The following IGF2BP1 variants were observed in gnomAD, a reference collection of about 807,000 sequenced individuals.
The protein encoded by IGF2BP1 is insulin like growth factor 2 mRNA binding protein 1.
Under a neutral mutation model 74.9 loss-of-function variants are expected in IGF2BP1, and 11 were observed. The observed-to-expected ratio is 0.15, with a 90% CI of 0.09 to 0.24. The LOEUF (loss-of-function observed/expected upper bound fraction) is 0.24. Ranked by LOEUF, IGF2BP1 falls within the 10% of genes least tolerant of loss-of-function variation. The pLI, the probability that IGF2BP1 is intolerant of heterozygous loss-of-function variation, is 1.00. For missense variants in IGF2BP1, 440 were observed against 757.4 expected (o/e 0.58, Z 4.92); for synonymous variants, 287 against 281.8 (o/e 1.02, Z -0.18).
At chr17:49,046,139 T>C (rs745917632) in intron 13 of IGF2BP1, 118 bp downstream of exon 13, 2 of 1,463,948 alleles carry the variant, frequency 1.4e-6, no homozygotes, top group Non-Finnish European at 9.5e-7. Context: ...TACTTGATTC[T>C]ACTCCCCAAG....
intron 2 of IGF2BP1, among the ~76,000 whole-genome samples, chr17:49,000,364 A>T (rs2041473808): frequency 6.6e-6 from 1 of 152,218 alleles, no homozygotes; most frequent in Non-Finnish European, 1.5e-5. Flanking sequence ...TCAGTTGCTT[A>T]GCTTGATATT....
intron 5 of IGF2BP1, chr17:49,036,813 G>C (rs975364296): frequency 1.9e-5 from 3 of 154,150 alleles, no homozygotes; most frequent in African/African-American, 7.2e-5. Flanking sequence ...GCGGGGCATG[G>C]TGGCGCATGC....
chr17:49,040,022 C>G lies in IGF2BP1; in HGVS notation c.749C>G (p.Pro250Arg). 2 of 1,613,894 alleles carry G rather than the reference C, an allele frequency of 1.2e-6. No individual in the cohort carries two copies. The change falls in exon 7 of 15, where the codon CCT becomes CGT. Residue 250 changes from proline (P) to arginine (R), a missense_variant. Pro to Arg is a moderately radical substitution (Grantham distance 103). Coordinates refer to ENST00000290341, the MANE Select transcript of IGF2BP1 (RefSeq NM_006546.4). ...AEKAISVHSTPEGCSSACKMI... is the reference protein window; with the variant it reads ...AEKAISVHSTREGCSSACKMI... ...AAAGCCATCAGTGTGCACTCCACCC[C>G]TGAGGGCTGCTCCTCCGCTTGTAAG...
At chr17:49,002,501 A>G (rs1336872745) in intron 2 of IGF2BP1, among the ~76,000 whole-genome samples, 1 of 152,110 alleles carries the variant, frequency 6.6e-6, no homozygotes, top group African/African-American at 2.4e-5. Context: ...AAAGGGAATG[A>G]AAACTACTAG....
intron 7 of IGF2BP1, among the ~76,000 whole-genome samples, chr17:49,041,071 C>T (rs1402457665): frequency 6.6e-6 from 1 of 152,040 alleles, no homozygotes; most frequent in South Asian, 2.1e-4. Context: ...CCCAGCTACT[C>T]GGAAGGCTGA....
At position 49,053,212 on chromosome 17, in the gene IGF2BP1, C is replaced by T. The variant is rs1301087032; in HGVS notation, c.*3768C>T. Reference sequence around the variant, plus strand: ...GCCTCACTATTGGCAGAAAAGACCCCATTTAAAACCCAGAGAACACTGGAG... The same window carrying T: ...GCCTCACTATTGGCAGAAAAGACCCTATTTAAAACCCAGAGAACACTGGAG... On this transcript the variant is annotated 3_prime_UTR_variant, in exon 15 of 15. Coordinates refer to ENST00000290341, the MANE Select transcript of IGF2BP1 (RefSeq NM_006546.4). The T allele has an allele frequency of 6.6e-6, 1 of 152,628 alleles. No individual in the cohort carries two copies. Among genetic ancestry groups the T allele is most frequent in the African/African-American group, 2.4e-5 (1 of 41,434 alleles). 9.5% of individuals were successfully genotyped at this position (152,628 alleles called of 1,614,324 possible). A position where few individuals can be genotyped will look rare whatever the true frequency, so the allele number is the denominator to read the frequency against.
At chr17:49,016,266 C>T (rs2041700045) in intron 2 of IGF2BP1, among the ~76,000 whole-genome samples, 1 of 152,244 alleles carries the variant, frequency 6.6e-6, no homozygotes, top group South Asian at 2.1e-4. Context: ...CTCAGTTTCT[C>T]CATCTGTGAA....
rs1457819558 is a variant in IGF2BP1, at chr17:49,055,994, AG to A, written c.*6552del. Among the ~76,000 whole-genome samples the A allele has an allele frequency of 6.6e-6, 1 of 151,410 alleles. No individual in the cohort carries two copies. Among genetic ancestry groups the A allele is most frequent in the Middle Eastern group, 3.2e-3 (1 of 314 alleles). ...TTTAATCTGTTCATTGCTTTGGGGG[AG>A]GTGGGGCAGCTGGCTCACACGTTGG... On this transcript the variant is annotated 3_prime_UTR_variant, in exon 15 of 15. Coordinates refer to ENST00000290341, the MANE Select transcript of IGF2BP1 (RefSeq NM_006546.4).
chr17:49,021,744 C>T (rs1438906613), intron 2 of IGF2BP1, among the ~76,000 whole-genome samples: 1 of 152,186 alleles, frequency 6.6e-6, no homozygotes, highest in Non-Finnish European at 1.5e-5. Flanking sequence ...CTTTTCTGAA[C>T]AATGGCTGTT....
intron 2 of IGF2BP1, among the ~76,000 whole-genome samples, chr17:49,007,573 T>C (rs897585655): frequency 6.6e-6 from 1 of 152,218 alleles, no homozygotes; most frequent in East Asian, 1.9e-4. Context: ...CTTGTGACTT[T>C]AATCATTTAC....
At chr17:49,030,598 G>A (rs1021442979) in intron 4 of IGF2BP1, among the ~76,000 whole-genome samples, 1 of 151,784 alleles carries the variant, frequency 6.6e-6, no homozygotes, top group Non-Finnish European at 1.5e-5. Flanking sequence ...CTCATTCAGC[G>A]TGTGTTGATT....
chr17:49,035,498 C>T (rs2041975953), intron 5 of IGF2BP1, among the ~76,000 whole-genome samples: 2 of 152,188 alleles, frequency 1.3e-5, no homozygotes, highest in East Asian at 1.9e-4. Context: ...TGGGCAGATG[C>T]GGATGCGAGG....
intron 2 of IGF2BP1, among the ~76,000 whole-genome samples, chr17:49,021,431 C>G (rs1014784989): frequency 1.3e-5 from 2 of 152,116 alleles, no homozygotes; most frequent in Non-Finnish European, 2.9e-5. Flanking sequence ...CTTTGTGGCT[C>G]TTATGCCTCC....
At chr17:49,039,867 C>T (rs183731951) in intron 6 of IGF2BP1, 90 bp from the exon 7 acceptor site, 18 of 1,393,060 alleles carry the variant, frequency 1.3e-5, no homozygotes, top group Admixed American at 1.1e-4. Context: ...AGGTTCTATG[C>T]CTTTGACTGA....
At chr17:49,026,548 C>T (rs371146319) in intron 4 of IGF2BP1, 31 bp downstream of exon 4, 33 of 1,597,168 alleles carry the variant, frequency 2.1e-5, no homozygotes, top group African/African-American at 2.7e-5. Context: ...GGGTGGCACT[C>T]GTGGTGGGGG....
In IGF2BP1 at chr17:49,052,876, C is replaced by T. The variant is rs2042183322; in HGVS notation, c.*3432C>T. 6.6e-6 allele frequency: 1 copy of T among 152,408 alleles called. No individual in the cohort carries two copies. The highest frequency in any genetic ancestry group is 1.5e-5 in the Non-Finnish European group (1 of 68,030). 9.4% of individuals were successfully genotyped at this position (152,408 alleles called of 1,614,324 possible). On this transcript the variant is annotated 3_prime_UTR_variant, in exon 15 of 15. Coordinates refer to ENST00000290341, the MANE Select transcript of IGF2BP1 (RefSeq NM_006546.4). ...ATATATTTTTAAGAAAGGACCATCTCTTTAGGATATATTTTTAAATTCTTT... is the reference window on the plus strand; with the variant it reads ...ATATATTTTTAAGAAAGGACCATCTTTTTAGGATATATTTTTAAATTCTTT...
intron 11 of IGF2BP1, among the ~76,000 whole-genome samples, chr17:49,044,301 G>C (rs753329945): frequency 6.6e-6 from 1 of 152,076 alleles, no homozygotes; most frequent in Non-Finnish European, 1.5e-5. Flanking sequence ...GCTGGGCAGG[G>C]GCAGGGTTAT....
chr17:49,015,686 T>C (rs1249199127), intron 2 of IGF2BP1, among the ~76,000 whole-genome samples: 2 of 152,180 alleles, frequency 1.3e-5, no homozygotes. Context: ...TGGGAGCCAC[T>C]CAAGGTCGGG....
chr17:49,037,926 T>C (rs1204716730), intron 5 of IGF2BP1, among the ~76,000 whole-genome samples: 1 of 152,226 alleles, frequency 6.6e-6, no homozygotes, highest in Admixed American at 6.5e-5. Flanking sequence ...AAAGCCTTTG[T>C]GAACAATAAA....
Sources: gnomAD v4.1 joint callset for allele counts (sites outside exome capture counted in the v4.1 genomes callset) on GRCh38, gnomAD v4.1.1 for gene constraint, MANE v1.5 for transcripts, NCBI Gene and HGNC (gene_info 2026-07-23, HGNC 2026-07-21) for gene names.